ITGAV: variants seen among roughly 807,000 people sequenced by gnomAD.
ITGAV encodes integrin subunit alpha V, also known as integrin alpha-V.
ITGAV carries 76 observed loss-of-function variants against 143.8 expected under a neutral mutation model. That is an observed-to-expected ratio of 0.53 (90% CI 0.44 to 0.64). The LOEUF (loss-of-function observed/expected upper bound fraction) is 0.64. ITGAV is among the 30% of genes least tolerant of loss of function. ITGAV has a pLI of 0.00. For synonymous variants in ITGAV, 453 were observed against 446.7 expected, an observed-to-expected ratio of 1.01 and a Z score of -0.18; for missense variants, 1,193 against 1,274.7, an observed-to-expected ratio of 0.94 and a Z score of 0.98.
At chr2:186,610,439 T>G (rs1313549932) in intron 2 of ITGAV, among the ~76,000 whole-genome samples, 1 of 152,212 alleles carries the variant, frequency 6.6e-6, no homozygotes, top group Admixed American at 6.5e-5. Context: ...CAGATTTGCC[T>G]GATAGAATGT....
At chr2:186,652,114 T>C in intron 15 of ITGAV, 25 bp downstream of exon 15, 1 of 1,323,176 alleles carries the variant, frequency 7.6e-7, no homozygotes, top group Non-Finnish European at 1.1e-6. Flanking sequence ...TTAATAATAG[T>C]TATTATTGTG....
At chr2:186,667,043 C>A in intron 22 of ITGAV, 107 bp from the exon 23 acceptor site, 1 of 737,020 alleles carries the variant, frequency 1.4e-6, no homozygotes. Context: ...GAGGTATAAG[C>A]TTTACACTTG....
Position 186,602,068 on chromosome 2 carries a change from C to T in ITGAV, c.233C>T (p.Pro78Leu), listed in dbSNP as rs773674342. The T allele has an allele frequency of 6.2e-7, 1 of 1,613,180 alleles. No homozygotes were observed. Among genetic ancestry groups the T allele is most frequent in the East Asian group, 2.2e-5 (1 of 44,848 alleles). The change falls in exon 2 of 30, where the codon CCT (proline) becomes CTT (leucine). Residue 78 changes from proline to leucine, a missense_variant. Physicochemically the swap from Pro to Leu is moderately conservative, Grantham distance 98. Coordinates refer to ENST00000261023, the MANE Select transcript of ITGAV (RefSeq NM_002210.5). ...GCTCCCAAAGCAAACACCACCCAGC[C>T]TGGGATTGTGGAAGGAGGGCAGGTC... ...VGAPKANTTQ[P>L]GIVEGGQVLK...
At chr2:186,627,859 A>G (rs184805921) in intron 4 of ITGAV, among the ~76,000 whole-genome samples, 1 of 152,140 alleles carries the variant, frequency 6.6e-6, no homozygotes, top group African/African-American at 2.4e-5. Context: ...AAAAACAGAA[A>G]AGCAAAGTGC....
At chr2:186,598,313 A>G (rs1226498291) in intron 1 of ITGAV, among the ~76,000 whole-genome samples, 1 of 151,776 alleles carries the variant, frequency 6.6e-6, no homozygotes, top group Non-Finnish European at 1.5e-5. Context: ...ACACACACAC[A>G]CACACACACA....
chr2:186,635,705 T>G (rs1574481111), intron 6 of ITGAV, among the ~76,000 whole-genome samples: 1 of 152,332 alleles, frequency 6.6e-6, no homozygotes, highest in Admixed American at 6.5e-5. Context: ...AAATATCAAT[T>G]GAACCAATTA....
intron 2 of ITGAV, among the ~76,000 whole-genome samples, chr2:186,621,388 CAT>C (rs1417141019): frequency 3.1e-4 from 47 of 152,074 alleles, no homozygotes; most frequent in African/African-American, 1.1e-3. Context: ...ATAGTCATCA[CAT>C]GTTAGAAATG....
At chr2:186,608,548 A>G (rs543347934) in intron 2 of ITGAV, among the ~76,000 whole-genome samples, 25 of 152,292 alleles carry the variant, frequency 1.6e-4, no homozygotes, top group Admixed American at 6.5e-4. Flanking sequence ...CTTTTAAGTC[A>G]GGTTCTGCCA....
In ITGAV at chr2:186,679,483, GA is replaced by G. The variant is rs1397838127; in HGVS notation, c.*2195del. The G allele has an allele frequency of 8.7e-6, 1 of 115,494 alleles. No individual in the cohort carries two copies. Among genetic ancestry groups the G allele is most frequent in the African/African-American group, 3.0e-5 (1 of 33,422 alleles). 7.2% of individuals were successfully genotyped at this position (115,494 alleles called of 1,614,324 possible). On this transcript the variant is annotated 3_prime_UTR_variant, in exon 30 of 30. Coordinates refer to ENST00000261023, the MANE Select transcript of ITGAV (RefSeq NM_002210.5). ...GTAATTTGAAAGCCTACTTTCTGAA[GA>G]AAATGGTGGGATTTTTTTTTATCAT...
intron 2 of ITGAV, among the ~76,000 whole-genome samples, chr2:186,610,637 G>GT (rs1054117469): frequency 5.9e-5 from 9 of 152,092 alleles, no homozygotes; most frequent in Admixed American, 2.0e-4. Context: ...TGACGGAATA[G>GT]TTTTTTTCCC....
intron 20 of ITGAV, 57 bp from the exon 21 acceptor site, chr2:186,665,069 C>T (rs1327430593): frequency 1.5e-5 from 16 of 1,093,978 alleles, no homozygotes; most frequent in Admixed American, 2.0e-5. Flanking sequence ...TATCCAACTG[C>T]GTGATACTTT....
Position 186,678,749 on chromosome 2 carries a change from T to A in ITGAV, c.*1457T>A, listed in dbSNP as rs1234954060. Reference sequence around the variant, plus strand: ...TACCTATTTTTGTGCAATTACATCATGTTGTACATTAGAAATGGAGAGTTT... The same window carrying A: ...TACCTATTTTTGTGCAATTACATCAAGTTGTACATTAGAAATGGAGAGTTT... On this transcript the variant is annotated 3_prime_UTR_variant, in exon 30 of 30. Transcript: ENST00000261023. 2.2e-6 allele frequency: 1 copy of A among 455,852 alleles called. No individual in the cohort carries two copies. Among genetic ancestry groups the A allele is most frequent in the Non-Finnish European group, 4.4e-6 (1 of 226,408 alleles). The allele number at this position is 455,852 out of a possible 1,614,324, so 28.2% of individuals were successfully genotyped here.
At chr2:186,631,587 A>G (rs138623609) in intron 5 of ITGAV, among the ~76,000 whole-genome samples, 83 of 152,294 alleles carry the variant, frequency 5.4e-4, no homozygotes, top group African/African-American at 1.8e-3. Flanking sequence ...TCTAAAAACT[A>G]TGTTGATGGA....
At chr2:186,601,881 A>T in intron 1 of ITGAV, 140 bp from the exon 2 acceptor site, 1 of 739,500 alleles carries the variant, frequency 1.4e-6, no homozygotes, top group Non-Finnish European at 2.1e-6. Context: ...AATAATGAAG[A>T]TTATGCCCTC....
intron 29 of ITGAV, 38 bp downstream of exon 29, chr2:186,676,973 CAGAAGAAAAGGGAAAGGGA>C: frequency 6.3e-7 from 1 of 1,589,488 alleles, no homozygotes; most frequent in Non-Finnish European, 8.6e-7. Flanking sequence ...AGAGGGAAAG[CAGAAGAAAAGGGAAAGGGA>C]AGAAGGAAAA....
chr2:186,649,824 T>C lies in ITGAV; in HGVS notation c.1352-16T>C. The C allele has an allele frequency of 6.4e-7, 1 of 1,552,206 alleles. No homozygotes were observed. ...ACCATTATCATTATTAACATGTTTT[T>C]CCACTCTTTCTTAAGACTTAATTGT... On this transcript the variant is annotated splice_polypyrimidine_tract_variant and intron_variant, in intron 13 of 29. Coordinates refer to ENST00000261023, the MANE Select transcript of ITGAV (RefSeq NM_002210.5).
At chr2:186,591,587 A>G (rs565658350) in intron 1 of ITGAV, among the ~76,000 whole-genome samples, 1 of 152,306 alleles carries the variant, frequency 6.6e-6, no homozygotes, top group East Asian at 1.9e-4. Flanking sequence ...TTTGACGGTT[A>G]GTACGTGGAT....
chr2:186,653,502 T>C (rs1161109824), intron 15 of ITGAV, among the ~76,000 whole-genome samples: 1 of 152,206 alleles, frequency 6.6e-6, no homozygotes, highest in Non-Finnish European at 1.5e-5. Context: ...TTAAAGATAT[T>C]GTTCCTGAAT....
chr2:186,656,456 A>T, intron 17 of ITGAV, 55 bp downstream of exon 17: 2 of 1,253,056 alleles, frequency 1.6e-6, no homozygotes, highest in South Asian at 3.7e-5. Context: ...TTAGTTTTTT[A>T]TCTAAATGAT....
Sources: allele counts gnomAD v4.1 joint callset (sites outside exome capture counted in the v4.1 genomes callset), GRCh38; gene constraint gnomAD v4.1.1; transcripts MANE v1.5; gene names NCBI Gene and HGNC (gene_info 2026-07-23, HGNC 2026-07-21).